The following INTS4 variants were observed in gnomAD, a reference collection of about 807,000 sequenced individuals.
INTS4 encodes the protein integrator complex subunit 4.
Under a neutral mutation model 119.5 loss-of-function variants are expected in INTS4, and 70 were observed. That is an observed-to-expected ratio of 0.59 (90% CI 0.48 to 0.71). INTS4 has a LOEUF of 0.71. INTS4 is among the 30% of genes least tolerant of loss of function. INTS4 has a pLI of 0.00. For missense variants in INTS4, 867 were observed against 1,173.2 expected (o/e 0.74, Z 3.81); for synonymous variants, 316 against 419.6 (o/e 0.75, Z 3.02).
At chr11:77,936,887 A>T (rs1319780916) in intron 10 of INTS4, among the ~76,000 whole-genome samples, 2 of 152,122 alleles carry the variant, frequency 1.3e-5, no homozygotes, top group East Asian at 3.9e-4. Flanking sequence ...TAAAAAAAAT[A>T]ATAGTGGCTG....
At chr11:77,900,737 A>C in intron 18 of INTS4, 2 of 634,974 alleles carry the variant, frequency 3.1e-6, no homozygotes, top group Middle Eastern at 2.8e-4. Flanking sequence ...GATTTCAGAG[A>C]AGTTACAATA....
At chr11:77,909,691 T>C (rs1180744823) in intron 15 of INTS4, among the ~76,000 whole-genome samples, 3 of 152,218 alleles carry the variant, frequency 2.0e-5, no homozygotes, top group Admixed American at 6.5e-5. Flanking sequence ...GATATAAGTA[T>C]AGACACAATG....
intron 8 of INTS4, among the ~76,000 whole-genome samples, chr11:77,946,760 CAA>C (rs61192670): frequency 3.8e-4 from 39 of 101,402 alleles, no homozygotes; most frequent in Admixed American, 5.1e-4. Flanking sequence ...GACCCTGTCT[CAA>C]AAAAAAAAAA....
At chr11:77,943,280 C>T (rs559915737) in intron 8 of INTS4, among the ~76,000 whole-genome samples, 1 of 152,228 alleles carries the variant, frequency 6.6e-6, no homozygotes, top group Admixed American at 6.5e-5. Flanking sequence ...TTCAATGTCA[C>T]CTAAGAATAG....
intron 9 of INTS4, 73 bp from the exon 10 acceptor site, chr11:77,938,898 G>A: frequency 9.2e-7 from 1 of 1,092,728 alleles, no homozygotes; most frequent in Non-Finnish European, 1.3e-6. Flanking sequence ...CTGAGAACAT[G>A]GGAAGGCAGA....
At chr11:77,883,322 C>T (rs1951866174) in intron 22 of INTS4, among the ~76,000 whole-genome samples, 1 of 152,088 alleles carries the variant, frequency 6.6e-6, no homozygotes. Flanking sequence ...GGCTTACAGG[C>T]TTGAAATGTA....
chr11:77,927,283 C>A (rs1040482722), intron 11 of INTS4, among the ~76,000 whole-genome samples: 1 of 152,062 alleles, frequency 6.6e-6, no homozygotes, highest in African/African-American at 2.4e-5. Flanking sequence ...GGAAAAAATA[C>A]ATGAAAAAAT....
chr11:77,962,972 G>A (rs971928329), intron 4 of INTS4, among the ~76,000 whole-genome samples: 10 of 152,124 alleles, frequency 6.6e-5, no homozygotes, highest in African/African-American at 2.2e-4. Context: ...CCAAGATCAC[G>A]CCACTGCACT....
At chr11:77,943,186 G>A (rs962980539) in intron 8 of INTS4, among the ~76,000 whole-genome samples, 17 of 151,998 alleles carry the variant, frequency 1.1e-4, no homozygotes, top group African/African-American at 2.2e-4. Context: ...CCTCAACTGC[G>A]CGCTCGTCCA....
At chr11:77,961,289 A>G in intron 4 of INTS4, 151 bp from the exon 5 acceptor site, 1 of 1,062,646 alleles carries the variant, frequency 9.4e-7, no homozygotes, top group Non-Finnish European at 1.2e-6. Flanking sequence ...CAGTCTGTCT[A>G]GCATCATGTT....
At chr11:77,927,500 C>A (rs571725790) in intron 11 of INTS4, among the ~76,000 whole-genome samples, 2 of 152,118 alleles carry the variant, frequency 1.3e-5, no homozygotes, top group Non-Finnish European at 2.9e-5. Context: ...AGAGGACAAA[C>A]CCCATTTATG....
chr11:77,974,690 C>A (rs1855875835), intron 4 of INTS4, among the ~76,000 whole-genome samples: 1 of 151,564 alleles, frequency 6.6e-6, no homozygotes, highest in Non-Finnish European at 1.5e-5. Context: ...ACAGTCTCAA[C>A]CTCCCAGGCA....
intron 4 of INTS4, among the ~76,000 whole-genome samples, chr11:77,965,893 C>A (rs1020651126): frequency 1.3e-5 from 2 of 152,172 alleles, no homozygotes; most frequent in Non-Finnish European, 2.9e-5. Context: ...TTTTTTGAGA[C>A]CTTCATCTTG....
At chr11:77,879,356 C>T (rs1322229512) in intron 22 of INTS4, among the ~76,000 whole-genome samples, 1 of 152,214 alleles carries the variant, frequency 6.6e-6, no homozygotes, top group African/African-American at 2.4e-5. Flanking sequence ...GCTGCTGAGG[C>T]AACTGGAGAG....
chr11:77,956,551 A>G (rs1954326570), intron 7 of INTS4, among the ~76,000 whole-genome samples: 1 of 152,084 alleles, frequency 6.6e-6, no homozygotes, highest in African/African-American at 2.4e-5. Flanking sequence ...TACTAAAAAT[A>G]TAAAAATTAG....
At chr11:77,907,842 A>G (rs761218640) in intron 15 of INTS4, 32 bp from the exon 16 acceptor site, 1 of 1,349,680 alleles carries the variant, frequency 7.4e-7, no homozygotes, top group Non-Finnish European at 1.1e-6. Flanking sequence ...AGGCAAACAC[A>G]GGATAAGGAT....
At chr11:77,991,050 T>G (rs774491389) in intron 2 of INTS4, 58 bp downstream of exon 2, 1 of 1,442,708 alleles carries the variant, frequency 6.9e-7, no homozygotes, top group Non-Finnish European at 9.7e-7. Flanking sequence ...TTAACCATTC[T>G]GCAGACATGA....
intron 4 of INTS4, among the ~76,000 whole-genome samples, chr11:77,976,818 T>C (rs925704497): frequency 2.0e-5 from 3 of 152,100 alleles, no homozygotes; most frequent in Non-Finnish European, 2.9e-5. Context: ...CAGCAAACTA[T>C]TGCAAGGACA....
At chr11:77,986,386 T>C (rs1404577691) in intron 2 of INTS4, among the ~76,000 whole-genome samples, 4 of 152,152 alleles carry the variant, frequency 2.6e-5, no homozygotes, top group African/African-American at 9.7e-5. Flanking sequence ...TTTTACACTG[T>C]TGGGAGTGTA....
Sources: gnomAD v4.1 joint callset for allele counts (sites outside exome capture counted in the v4.1 genomes callset) on GRCh38, gnomAD v4.1.1 for gene constraint, MANE v1.5 for transcripts, NCBI Gene and HGNC (gene_info 2026-07-23, HGNC 2026-07-21) for gene names.